Variants in CYTH3 observed in about 807,000 individuals in gnomAD.
The protein encoded by CYTH3 is cytohesin-3.
A neutral mutation model predicts 55.1 loss-of-function variants in CYTH3; 23 were observed. The observed-to-expected ratio is 0.42, with a 90% CI of 0.30 to 0.59. The LOEUF is 0.59. Ranked by LOEUF, CYTH3 falls within the 20% of genes least tolerant of loss-of-function variation. The pLI is 0.20. For missense variants in CYTH3, 413 were observed against 524.8 expected (o/e 0.79, Z 2.08); for synonymous variants, 249 against 194.9 (o/e 1.28, Z -2.31).
At chr7:6,205,875 TAAAAAAAAAAAAAAAA>T (rs370194149) in intron 1 of CYTH3, among the ~76,000 whole-genome samples, 1 of 28,074 alleles carries the variant, frequency 3.6e-5, no homozygotes, top group African/African-American at 1.6e-4. Flanking sequence ...TCCTATCTCT[TAAAAAAAAAAAAAAAA>T]AAAAAAAAAA....
rs1383253114 is a variant in CYTH3 at position 6,259,782 on chromosome 7, ATAATATATAT to A, written c.34+12682_34+12691del. Among the ~76,000 whole-genome samples, 53 of 22,442 alleles carry A rather than the reference ATAATATATAT, an allele frequency of 2.4e-3. 1 individual carries two copies. Among genetic ancestry groups the A allele is most frequent in the Admixed American group, 5.3e-3 (6 of 1,126 alleles). 14.7% of individuals were successfully genotyped at this position (22,442 alleles called of 152,430 possible). On this transcript the variant is annotated intron_variant, in intron 1 of 12. Transcript: ENST00000350796. ...TTATATATATATATATTATATATAT[ATAATATATAT>A]ATATATATATATATATATATAATAT...
intron 1 of CYTH3, among the ~76,000 whole-genome samples, chr7:6,246,897 A>G (rs1237292354): frequency 6.6e-6 from 1 of 152,122 alleles, no homozygotes; most frequent in Non-Finnish European, 1.5e-5. Flanking sequence ...ATTTTTTTTA[A>G]CACCACAAGT....
At chr7:6,229,541 G>A (rs1219547848) in intron 1 of CYTH3, among the ~76,000 whole-genome samples, 1 of 151,914 alleles carries the variant, frequency 6.6e-6, no homozygotes, top group African/African-American at 2.4e-5. Context: ...TGGGCGCAGT[G>A]GTTCACGCCT....
At chr7:6,239,376 A>G (rs751319575) in intron 1 of CYTH3, among the ~76,000 whole-genome samples, 3 of 152,288 alleles carry the variant, frequency 2.0e-5, no homozygotes, top group Middle Eastern at 3.4e-3. Flanking sequence ...TAGCCAACAT[A>G]TAAGTTCCCA....
chr7:6,236,390 T>C (rs555620602), intron 1 of CYTH3, among the ~76,000 whole-genome samples: 1 of 148,066 alleles, frequency 6.8e-6, no homozygotes, highest in South Asian at 2.1e-4. Flanking sequence ...TTTTACTTTT[T>C]GTACAGACAG....
At chr7:6,203,009 C>T (rs561662070) in intron 1 of CYTH3, among the ~76,000 whole-genome samples, 1 of 151,918 alleles carries the variant, frequency 6.6e-6, no homozygotes, top group Admixed American at 6.5e-5. Flanking sequence ...AAGTTGGTAC[C>T]GCTATAAGAA....
chr7:6,190,547 A>G lies in CYTH3; in HGVS notation c.35-16T>C. The G allele has an allele frequency of 2.0e-6, 3 of 1,498,656 alleles. No individual in the cohort carries two copies. The highest frequency in any genetic ancestry group is 2.6e-6 in the Non-Finnish European group (3 of 1,133,892). 92.8% of individuals were successfully genotyped at this position (1,498,656 alleles called of 1,614,324 possible). On this transcript the variant is annotated splice_polypyrimidine_tract_variant and intron_variant, in intron 1 of 12. Coordinates refer to ENST00000350796, the MANE Select transcript of CYTH3 (RefSeq NM_004227.4). ...TCTTCAGGCACTGAAAGAAGAAAAA[A>G]ATAATTAACTACTTTGGAGAACACA...
chr7:6,205,899 A>AAAT (rs1784175208), intron 1 of CYTH3, among the ~76,000 whole-genome samples: 1 of 148,910 alleles, frequency 6.7e-6, no homozygotes, highest in African/African-American at 2.5e-5. Context: ...AAAAAAAAAA[A>AAAT]AAAAAGCTTA....
rs1302980326 is a variant in CYTH3 at position 6,165,431 on chromosome 7, G to T, written c.973-4C>A. 3.1e-6 allele frequency: 5 copies of T among 1,611,970 alleles called. No individual in the cohort carries two copies. Among genetic ancestry groups the T allele is most frequent in the Non-Finnish European group, 4.2e-6 (5 of 1,178,654 alleles). ...GATTGTAGAGCTCAAAACAGTTCTG[G>T]TGGAGAAAGAGAGAGGGGAGGCGGT... On this transcript the variant is annotated splice_region_variant and splice_polypyrimidine_tract_variant and intron_variant, in intron 11 of 12. Transcript: ENST00000350796.
At chr7:6,211,844 G>C (rs1039764192) in intron 1 of CYTH3, among the ~76,000 whole-genome samples, 1 of 151,962 alleles carries the variant, frequency 6.6e-6, no homozygotes, top group Non-Finnish European at 1.5e-5. Context: ...AAATTAGTCA[G>C]GTGTGGTGGC....
At chr7:6,200,548 A>C (rs562792319) in intron 1 of CYTH3, among the ~76,000 whole-genome samples, 1 of 152,272 alleles carries the variant, frequency 6.6e-6, no homozygotes, top group South Asian at 2.1e-4. Flanking sequence ...CTTTATTACT[A>C]ATCAATACTA....
intron 1 of CYTH3, among the ~76,000 whole-genome samples, chr7:6,255,744 T>G (rs531407051): frequency 4.7e-5 from 7 of 150,330 alleles, no homozygotes; most frequent in Non-Finnish European, 1.0e-4. Context: ...CTACCCAAGT[T>G]TGACCTTTAA....
In CYTH3 at chr7:6,240,923, G is replaced by A. The variant is rs190555814; in HGVS notation, c.34+31551C>T. ...GAGGTCAGAAGTTCAAGACTAGCCT[G>A]ACCAACATGGTGAAACCCCGTCTCT... On this transcript the variant is annotated intron_variant, in intron 1 of 12. Coordinates refer to ENST00000350796, the MANE Select transcript of CYTH3 (RefSeq NM_004227.4). Among the ~76,000 whole-genome samples, 375 of 151,360 alleles carry A rather than the reference G, an allele frequency of 2.5e-3. 2 individuals carry two copies. The highest frequency in any genetic ancestry group is 4.4e-3 in the Non-Finnish European group (297 of 67,876).
rs760150846 is a variant in CYTH3, at chr7:6,165,457, C to T, written c.973-30G>A. On this transcript the variant is annotated intron_variant, in intron 11 of 12. Transcript: ENST00000350796. ...TGGAGAAAGAGAGAGGGGAGGCGGT[C>T]AGGGGGGCTTGGGGCAGGTTCCCTG... 2.5e-6 allele frequency: 4 copies of T among 1,609,052 alleles called. No individual in the cohort carries two copies. In the Admixed American group the frequency reaches 5.0e-5, roughly 20 times the overall value.
intron 1 of CYTH3, among the ~76,000 whole-genome samples, chr7:6,223,249 C>G (rs373618004): frequency 6.6e-6 from 1 of 152,024 alleles, no homozygotes; most frequent in African/African-American, 2.4e-5. Context: ...AACTGAGGAG[C>G]GCCTGTGCCA....
chr7:6,176,248 C>A lies in CYTH3; in HGVS notation c.368+1575G>T, dbSNP rs865976381. On this transcript the variant is annotated intron_variant, in intron 5 of 12. Coordinates refer to ENST00000350796, the MANE Select transcript of CYTH3 (RefSeq NM_004227.4). ...TACTCATTGCTATTGTATAGAAATA[C>A]AATTGATTTTTTTTTTTTTTTTTTT... 6.9e-3 allele frequency among the ~76,000 whole-genome samples: 961 copies of A among 138,688 alleles called. 13 individuals are homozygous for A. Among genetic ancestry groups the A allele is most frequent in the African/African-American group, 0.024 (893 of 37,212 alleles). The allele number at this position is 138,688 out of a possible 152,430, so 91.0% of individuals were successfully genotyped here.
At chr7:6,229,648 GAAAAA>G (rs35933979) in intron 1 of CYTH3, among the ~76,000 whole-genome samples, 1 of 108,642 alleles carries the variant, frequency 9.2e-6, no homozygotes, top group Non-Finnish European at 1.9e-5. Context: ...CGTCTCTACT[GAAAAA>G]AAAAAAAAAA....
At position 6,263,629 on chromosome 7, in the gene CYTH3, CTACTAAAAA is replaced by C. The variant is rs543490470; in HGVS notation, c.34+8836_34+8844del. Among the ~76,000 whole-genome samples, 222 of 152,102 alleles carry C rather than the reference CTACTAAAAA, an allele frequency of 1.5e-3. 2 individuals carry two copies. Among genetic ancestry groups the C allele is most frequent in the South Asian group, 7.3e-3 (35 of 4,814 alleles). On this transcript the variant is annotated intron_variant, in intron 1 of 12. Coordinates refer to ENST00000350796, the MANE Select transcript of CYTH3 (RefSeq NM_004227.4). Reference sequence around the variant, plus strand: ...TGGCCAACGTAGCAAAAACCTGTCTCTACTAAAAATACTAAAAATTTACCAGGGCATGGT... The same window carrying C: ...TGGCCAACGTAGCAAAAACCTGTCTCTACTAAAAATTTACCAGGGCATGGT...
intron 1 of CYTH3, among the ~76,000 whole-genome samples, chr7:6,258,159 A>G (rs1780178639): frequency 6.6e-6 from 1 of 151,920 alleles, no homozygotes. Flanking sequence ...TTTTTCCAAA[A>G]AATACTTTTA....
Sources: allele counts gnomAD v4.1 joint callset (sites outside exome capture counted in the v4.1 genomes callset), GRCh38; gene constraint gnomAD v4.1.1; transcripts MANE v1.5; gene names NCBI Gene and HGNC (gene_info 2026-07-23, HGNC 2026-07-21).